Variants in EDIL3 observed in about 807,000 individuals in gnomAD.
EDIL3 encodes EGF like and discoidin domains 3.
EDIL3 carries 37 observed loss-of-function variants against 67.4 expected under a neutral mutation model. That is an observed-to-expected ratio of 0.55 (90% confidence interval 0.42 to 0.72). The LOEUF (loss-of-function observed/expected upper bound fraction) is 0.72. EDIL3 is among the 30% of genes least tolerant of loss of function. The probability of loss-of-function intolerance (pLI) is 0.00; values close to 1 mark genes in which losing one functional copy is unlikely to be tolerated. For missense variants in EDIL3, 527 were observed against 586.3 expected (o/e 0.90, Z 1.04); for synonymous variants, 195 against 196.3 (o/e 0.99, Z 0.05).
chr5:84,135,499 A>G (rs1425141106), intron 5 of EDIL3, among the ~76,000 whole-genome samples: 1 of 152,262 alleles, frequency 6.6e-6, no homozygotes, highest in African/African-American at 2.4e-5. Context: ...GTTCACTGAC[A>G]GACATCTTGG....
intron 2 of EDIL3, 35 bp from the exon 3 acceptor site, chr5:84,229,919 G>A (rs769210309): frequency 2.0e-6 from 3 of 1,531,956 alleles, no homozygotes; most frequent in Non-Finnish European, 2.7e-6. Context: ...TGGGGGTGGG[G>A]TAGAAGTGAA....
chr5:84,163,930 A>G (rs1462197572), intron 4 of EDIL3, among the ~76,000 whole-genome samples: 1 of 152,046 alleles, frequency 6.6e-6, no homozygotes, highest in Non-Finnish European at 1.5e-5. Flanking sequence ...ACTGTATTTA[A>G]ATATGGTGAA....
intron 3 of EDIL3, among the ~76,000 whole-genome samples, chr5:84,193,305 T>C (rs1361421143): frequency 6.6e-6 from 1 of 151,776 alleles, no homozygotes; most frequent in Non-Finnish European, 1.5e-5. Flanking sequence ...TAGGTATGGA[T>C]GGAAGTGGAC....
At chr5:84,232,474 A>T (rs1177315491) in intron 2 of EDIL3, among the ~76,000 whole-genome samples, 1 of 152,198 alleles carries the variant, frequency 6.6e-6, no homozygotes, top group Non-Finnish European at 1.5e-5. Flanking sequence ...TTTAGGAAGG[A>T]ATTAGCAAGT....
rs563988535 is a variant in EDIL3, at chr5:83,950,642, AT to A, written c.1294-7075del. Reference sequence around the variant, plus strand: ...TCTACTGTTAGGTTCTACTCTCTCTATTTTACTTGCTGTTCTTATTTTCAAT... The same window carrying A: ...TCTACTGTTAGGTTCTACTCTCTCTATTTACTTGCTGTTCTTATTTTCAAT... On this transcript the variant is annotated intron_variant, in intron 10 of 10. Coordinates refer to ENST00000296591, the MANE Select transcript of EDIL3 (RefSeq NM_005711.5). Among the ~76,000 whole-genome samples, 5 of 151,838 alleles carry A rather than the reference AT, an allele frequency of 3.3e-5. No homozygotes were observed. The South Asian group carries it at 1.0e-3, about 32-fold the overall frequency.
chr5:84,291,664 A>ATATATATCTATCTATATAGATATATC (rs1004582301), intron 1 of EDIL3, among the ~76,000 whole-genome samples: 246 of 141,792 alleles, frequency 1.7e-3, no homozygotes, highest in African/African-American at 4.9e-3. Context: ...ATATATCTAT[A>ATATATATCTATCTATATAGATATATC]TATATATCTA....
rs913752799 is a variant in EDIL3 at position 84,055,195 on chromosome 5, A to G, written c.1137+5105T>C. Among the ~76,000 whole-genome samples the G allele has an allele frequency of 7.5e-5, 11 of 146,602 alleles. 1 individual carries two copies. Among genetic ancestry groups the G allele is most frequent in the Admixed American group, 1.3e-4 (2 of 14,940 alleles). ...CTGATCTTTGACAAACCTGGCAAAA[A>G]CAAGAAATGGGGAAAGGATTCCCTG... On this transcript the variant is annotated intron_variant, in intron 9 of 10. Coordinates refer to ENST00000296591, the MANE Select transcript of EDIL3 (RefSeq NM_005711.5).
At chr5:84,379,509 ATGTC>A (rs1223024616) in intron 1 of EDIL3, among the ~76,000 whole-genome samples, 1 of 152,162 alleles carries the variant, frequency 6.6e-6, no homozygotes, top group African/African-American at 2.4e-5. Flanking sequence ...TTGAGTGTGT[ATGTC>A]TGTGTAAATC....
chr5:84,075,236 T>G (rs1166359305), intron 6 of EDIL3, among the ~76,000 whole-genome samples: 1 of 151,708 alleles, frequency 6.6e-6, no homozygotes, highest in African/African-American at 2.4e-5. Flanking sequence ...CATTAGGAGA[T>G]ATACCTAATG....
At chr5:84,199,584 C>A (rs150045205) in intron 3 of EDIL3, among the ~76,000 whole-genome samples, 92 of 152,070 alleles carry the variant, frequency 6.0e-4, no homozygotes, top group Admixed American at 2.3e-3. Context: ...AGCATACCAA[C>A]AAAGAGAAAA....
At position 84,015,139 on chromosome 5, in the gene EDIL3, T is replaced by C. The variant is rs568729039; in HGVS notation, c.1137+45161A>G. ...GGTCCACTTGGGACATAACAGGGTA[T>C]AGCTAGTGACTGCTCTGTAAACATA... On this transcript the variant is annotated intron_variant, in intron 9 of 10. Transcript: ENST00000296591. Among the ~76,000 whole-genome samples the C allele has an allele frequency of 3.9e-4, 59 of 152,304 alleles. 2 individuals carry two copies. In the South Asian group the frequency reaches 0.011, roughly 28 times the overall value.
chr5:84,315,702 A>T (rs1454679846), intron 1 of EDIL3, among the ~76,000 whole-genome samples: 2 of 152,178 alleles, frequency 1.3e-5, no homozygotes, highest in Non-Finnish European at 2.9e-5. Flanking sequence ...TACTATCCAG[A>T]AGAATTTCCC....
intron 6 of EDIL3, among the ~76,000 whole-genome samples, chr5:84,100,981 T>C (rs1250684848): frequency 6.6e-6 from 1 of 152,098 alleles, no homozygotes; most frequent in Non-Finnish European, 1.5e-5. Flanking sequence ...CCAAGTCATC[T>C]CACTTTTAGC....
chr5:83,964,299 A>T (rs1190569802), intron 9 of EDIL3, among the ~76,000 whole-genome samples: 4 of 151,812 alleles, frequency 2.6e-5, no homozygotes, highest in Non-Finnish European at 5.9e-5. Context: ...CTCTTGTAAG[A>T]TCTTTGCCTT....
intron 4 of EDIL3, among the ~76,000 whole-genome samples, chr5:84,143,302 T>A (rs912780965): frequency 6.6e-6 from 1 of 152,094 alleles, no homozygotes; most frequent in Admixed American, 6.6e-5. Context: ...TTACTAGTAA[T>A]TCATTTTAAA....
chr5:83,948,725 T>G (rs1744357614), intron 10 of EDIL3, among the ~76,000 whole-genome samples: 1 of 151,868 alleles, frequency 6.6e-6, no homozygotes, highest in African/African-American at 2.4e-5. Context: ...ATGAAACTTC[T>G]ATAAGTGATT....
intron 1 of EDIL3, among the ~76,000 whole-genome samples, chr5:84,331,513 C>A (rs1421942903): frequency 6.6e-6 from 1 of 152,134 alleles, no homozygotes; most frequent in Non-Finnish European, 1.5e-5. Flanking sequence ...CTTTGCTCTG[C>A]ACTTCTCATT....
intron 9 of EDIL3, among the ~76,000 whole-genome samples, chr5:83,993,713 T>G (rs1462698031): frequency 6.6e-6 from 1 of 152,184 alleles, no homozygotes; most frequent in Non-Finnish European, 1.5e-5. Flanking sequence ...TTATGGCCTG[T>G]TTTTGTAAAC....
chr5:84,065,766 G>A (rs1201265600), intron 7 of EDIL3, among the ~76,000 whole-genome samples: 1 of 151,962 alleles, frequency 6.6e-6, no homozygotes, highest in Non-Finnish European at 1.5e-5. Flanking sequence ...ATCACTTAGT[G>A]CTTTTTTGCT....
Sources: allele counts gnomAD v4.1 joint callset (sites outside exome capture counted in the v4.1 genomes callset), GRCh38; gene constraint gnomAD v4.1.1; transcripts MANE v1.5; gene names NCBI Gene and HGNC (gene_info 2026-07-23, HGNC 2026-07-21).